Variants in PKP1 observed in about 807,000 individuals in gnomAD.
The protein encoded by PKP1 is plakophilin-1.
PKP1 carries 27 observed loss-of-function variants against 76.4 expected under a neutral mutation model. The ratio of observed to expected loss-of-function variants is 0.35; its 90% CI spans 0.26 to 0.49. The LOEUF (loss-of-function observed/expected upper bound fraction) is 0.49. PKP1 is among the 20% of genes least tolerant of loss of function. The probability of loss-of-function intolerance (pLI) is 0.99; values close to 1 mark genes in which losing one functional copy is unlikely to be tolerated. For missense variants in PKP1, 964 were observed against 955.2 expected, an observed-to-expected ratio of 1.01 and a Z score of -0.12; for synonymous variants, 404 against 384.2, an observed-to-expected ratio of 1.05 and a Z score of -0.60.
chr1:201,323,194 G>T lies in PKP1; in HGVS notation c.1680+5G>T. 1.2e-6 allele frequency: 2 copies of T among 1,613,356 alleles called. No homozygotes were observed. The highest frequency in any genetic ancestry group is 2.2e-5 in the South Asian group (2 of 91,080). On this transcript the variant is annotated splice_donor_5th_base_variant and intron_variant, in intron 9 of 13. Transcript: ENST00000367324. ...CTGACAGCCAGCAAGGGGCTGGTGA[G>T]TGGGACTGTACCTTCTCTACTGCAG...
chr1:201,317,556 A>C lies in PKP1; in HGVS notation c.847-16A>C. On this transcript the variant is annotated splice_polypyrimidine_tract_variant and intron_variant, in intron 4 of 13. Transcript: ENST00000367324. The stretch of plus-strand genomic sequence containing the variant: ...ATCTCCCTTGACCAGGCAGCGTGGC[A>C]ACTCTTTCCTGGCAGGTCTATCAGC... 1 of 1,609,160 alleles carries C rather than the reference A, an allele frequency of 6.2e-7. No homozygotes were observed. Among genetic ancestry groups the C allele is most frequent in the Non-Finnish European group, 8.5e-7 (1 of 1,175,630 alleles).
chr1:201,321,827 C>T, intron 7 of PKP1, 151 bp from the exon 8 acceptor site: 1 of 842,888 alleles, frequency 1.2e-6, no homozygotes, highest in Non-Finnish European at 1.9e-6. Flanking sequence ...CCCTGGAAGA[C>T]TTCCCAGGCT....
chr1:201,318,931 A>G, intron 6 of PKP1, 136 bp downstream of exon 6: 1 of 786,414 alleles, frequency 1.3e-6, no homozygotes, highest in Non-Finnish European at 2.2e-6. Flanking sequence ...GGCAGGCTCC[A>G]AGACACAGGG....
In PKP1 at chr1:201,320,762, G is replaced by T. The variant is rs117595248; in HGVS notation, c.1347+381G>T. Among the ~76,000 whole-genome samples, 33 of 152,320 alleles carry T rather than the reference G, an allele frequency of 2.2e-4. No homozygotes were observed. In the East Asian group the frequency reaches 5.6e-3, roughly 26 times the overall value. On this transcript the variant is annotated intron_variant, in intron 7 of 13. Coordinates refer to ENST00000367324, the MANE Select transcript of PKP1 (RefSeq NM_001005337.3). ...GGAAGCTCCCAGCGAGCATCTGCTG[G>T]CTGTGCTTCATTGGTGGTGCTGAGG...
rs909060591 is a variant in PKP1, at chr1:201,332,607, C to G, written c.*2566C>G. The G allele has an allele frequency of 4.4e-5, 5 of 112,560 alleles. No homozygotes were observed. Among genetic ancestry groups the G allele is most frequent in the Non-Finnish European group, 8.6e-5 (5 of 57,868 alleles). The allele number at this position is 112,560 out of a possible 1,614,324, so 7.0% of individuals were successfully genotyped here. A position where few individuals can be genotyped will look rare whatever the true frequency, so the allele number is the denominator to read the frequency against. On this transcript the variant is annotated 3_prime_UTR_variant, in exon 14 of 14. Transcript: ENST00000367324. ...GGCCAAATGAGGAAGGACACAGACT[C>G]TGCCCTGGGATCTCCTGTGCTAGCG...
chr1:201,309,586 T>C (rs753849576), intron 2 of PKP1, among the ~76,000 whole-genome samples: 6 of 152,164 alleles, frequency 3.9e-5, no homozygotes, highest in Non-Finnish European at 7.3e-5. Flanking sequence ...CTGTCCTTTG[T>C]ATTCAAACAG....
chr1:201,313,038 A>G lies in PKP1; in HGVS notation c.307-128A>G, dbSNP rs1656606799. On this transcript the variant is annotated intron_variant, in intron 2 of 13. Coordinates refer to ENST00000367324, the MANE Select transcript of PKP1 (RefSeq NM_001005337.3). ...TCAGATGATGGCTCAGGTTCCTTCC[A>G]CGCCAAACATTCTGGGATTCTGTAA... The G allele has an allele frequency of 6.1e-6, 6 of 989,836 alleles. No individual in the cohort carries two copies. The South Asian group carries it at 8.5e-5, about 14-fold the overall frequency. 61.3% of individuals were successfully genotyped at this position (989,836 alleles called of 1,614,324 possible).
chr1:201,320,131 C>T (rs1032188273), intron 6 of PKP1, 136 bp from the exon 7 acceptor site: 31 of 711,580 alleles, frequency 4.4e-5, no homozygotes, highest in Admixed American at 2.6e-4. Context: ...ATCTCCACCC[C>T]GTCGTCTCCT....
In PKP1 at chr1:201,332,568, G is replaced by A. The variant is rs12143423; in HGVS notation, c.*2527G>A. The A allele has an allele frequency of 0.3, 45,162 of 152,112 alleles. 9,028 individuals are homozygous for A. Among genetic ancestry groups the A allele is most frequent in the African/African-American group, 0.57 (23,692 of 41,460 alleles). 9.4% of individuals were successfully genotyped at this position (152,112 alleles called of 1,614,324 possible). The stretch of plus-strand genomic sequence containing the variant: ...TACCAGGGCCAATGCCCAAAATAAG[G>A]AGTTCCAATTTGGGGCCAAATGAGG... On this transcript the variant is annotated 3_prime_UTR_variant, in exon 14 of 14. Coordinates refer to ENST00000367324, the MANE Select transcript of PKP1 (RefSeq NM_001005337.3).
intron 2 of PKP1, among the ~76,000 whole-genome samples, chr1:201,312,321 C>T (rs1430717252): frequency 6.6e-6 from 1 of 152,136 alleles, no homozygotes; most frequent in East Asian, 1.9e-4. Flanking sequence ...TTTCTGTGTG[C>T]TGAGTATAAG....
chr1:201,327,041 G>A lies in PKP1; in HGVS notation c.2106+1203G>A, dbSNP rs147673734. Among the ~76,000 whole-genome samples, 657 of 152,330 alleles carry A rather than the reference G, an allele frequency of 4.3e-3. 2 individuals carry two copies. Among genetic ancestry groups the A allele is most frequent in the African/African-American group, 0.013 (537 of 41,562 alleles). On this transcript the variant is annotated intron_variant, in intron 12 of 13. Coordinates refer to ENST00000367324, the MANE Select transcript of PKP1 (RefSeq NM_001005337.3). ...CTTCGGAAGTCTCTGGAGCCGTCCA[G>A]GAGCACTGCTGGCCAAGCAAGGGGA...
In PKP1 at chr1:201,322,130, G is replaced by C. The variant is rs561719416; in HGVS notation, c.1500G>C (p.Met500Ile). 62 of 1,610,960 alleles carry C rather than the reference G, an allele frequency of 3.8e-5. No individual in the cohort carries two copies. In the South Asian group the frequency reaches 6.7e-4, roughly 17 times the overall value. ...TGCFSNKSDK[M>I]MNNNYDCPLP... The stretch of plus-strand genomic sequence containing the variant: ...GCTTCAGCAACAAGAGCGACAAGAT[G>C]ATGGTGAGCACAGCATCAGCAGGGC... The change falls in exon 8 of 14, where the codon ATG becomes ATC. Residue 500 changes from methionine to isoleucine, a missense_variant. Physicochemically the swap from Met to Ile is conservative, Grantham distance 10. Coordinates refer to ENST00000367324, the MANE Select transcript of PKP1 (RefSeq NM_001005337.3).
intron 5 of PKP1, 59 bp from the exon 6 acceptor site, chr1:201,318,559 T>A (rs1656839396): frequency 6.6e-7 from 1 of 1,514,888 alleles, no homozygotes; most frequent in Non-Finnish European, 9.2e-7. Context: ...GGCTGTTACC[T>A]CGGTCCCTAG....
chr1:201,304,666 G>T (rs971228519), intron 2 of PKP1, among the ~76,000 whole-genome samples: 2 of 152,214 alleles, frequency 1.3e-5, no homozygotes, highest in Admixed American at 6.5e-5. Context: ...AGGAGTCGGG[G>T]CCAGCAACTG....
At chr1:201,310,459 G>A (rs74492480) in intron 2 of PKP1, among the ~76,000 whole-genome samples, 4,904 of 151,638 alleles carry the variant, frequency 0.032, 291 homozygotes, top group African/African-American at 0.11. Flanking sequence ...TCTCAGCCCA[G>A]TGAGCTGGAG....
At chr1:201,328,636 G>A in intron 12 of PKP1, 126 bp from the exon 13 acceptor site, 1 of 819,870 alleles carries the variant, frequency 1.2e-6, no homozygotes, top group Non-Finnish European at 2.2e-6. Flanking sequence ...CCTGACACAT[G>A]TACTTAGTGA....
Position 201,324,590 on chromosome 1 carries a change from C to T in PKP1, c.1834+9C>T, listed in dbSNP as rs1390349930. On this transcript the variant is annotated intron_variant, in intron 10 of 13. Coordinates refer to ENST00000367324, the MANE Select transcript of PKP1 (RefSeq NM_001005337.3). ...GCTGCACAGAGTGATGGGTAAGGTC[C>T]CTCTCTCTCCTCCCCCTCTAGCTAA... 1.9e-6 allele frequency: 3 copies of T among 1,613,776 alleles called. No individual in the cohort carries two copies. The highest frequency in any genetic ancestry group is 2.7e-5 in the African/African-American group (2 of 74,900).
In PKP1 at chr1:201,317,605, G is replaced by T. The variant is rs746393469; in HGVS notation, c.880G>T (p.Asp294Tyr). ...GCTGGGAGGCATCTGCAAGCTGGTG[G>T]ACCTCCTCCGCAGCCCCAACCAGAA... is the stretch of plus-strand genomic sequence containing the variant. Reference protein sequence around the residue: ...YQLGGICKLVDLLRSPNQNVQ... With the variant: ...YQLGGICKLVYLLRSPNQNVQ... Residue 294 changes from aspartate to tyrosine, a missense_variant, in exon 5 of 14, where the codon GAC becomes TAC. Physicochemically the swap from Asp to Tyr is radical, Grantham distance 160 (BLOSUM62 -3). Coordinates refer to ENST00000367324, the MANE Select transcript of PKP1 (RefSeq NM_001005337.3). The T allele has an allele frequency of 6.2e-6, 10 of 1,613,890 alleles. No individual in the cohort carries two copies. In the East Asian group the frequency reaches 2.2e-4, roughly 36 times the overall value.
chr1:201,325,761 C>T lies in PKP1; in HGVS notation c.2029C>T (p.Pro677Ser). Residue 677 changes from proline to serine, a missense_variant, in exon 12 of 14, where the codon CCC becomes TCC. Pro to Ser is a moderately conservative substitution (Grantham distance 74, BLOSUM62 -1). Coordinates refer to ENST00000367324, the MANE Select transcript of PKP1 (RefSeq NM_001005337.3). ...IINLCRSSAS[P>S]KAAEAARLLL... ...CACTTCTCACCTGCCCAGTGCCTCA[C>T]CCAAGGCCGCAGAAGCTGCCCGGCT... The T allele has an allele frequency of 6.2e-7, 1 of 1,613,876 alleles. No homozygotes were observed. The highest frequency in any genetic ancestry group is 8.5e-7 in the Non-Finnish European group (1 of 1,179,772).
Sources: allele counts gnomAD v4.1 joint callset (sites outside exome capture counted in the v4.1 genomes callset), GRCh38; gene constraint gnomAD v4.1.1; transcripts MANE v1.5; gene names NCBI Gene and HGNC (gene_info 2026-07-23, HGNC 2026-07-21).